VPS13B: variants seen among roughly 807,000 people sequenced by gnomAD.
VPS13B encodes intermembrane lipid transfer protein VPS13B.
Under a neutral mutation model 426.4 loss-of-function variants are expected in VPS13B, and 285 were observed. The observed-to-expected ratio is 0.67, with a 90% confidence interval of 0.61 to 0.74. The LOEUF (loss-of-function observed/expected upper bound fraction) is 0.74, where lower values mean the gene tolerates loss of function less well. VPS13B is among the 30% of genes least tolerant of loss of function. The pLI is 0.00. For synonymous variants in VPS13B, 1,676 were observed against 1,676.4 expected (o/e 1.00, Z 0.01); for missense variants, 4,537 against 4,782.6 (o/e 0.95, Z 1.51).
At chr8:99,585,460 C>G (rs116270285) in intron 33 of VPS13B, among the ~76,000 whole-genome samples, 1 of 152,216 alleles carries the variant, frequency 6.6e-6, no homozygotes, top group African/African-American at 2.4e-5. Context: ...CAAACTGAAT[C>G]CAGCAACATA....
chr8:99,334,556 A>T (rs1810717622), intron 19 of VPS13B, among the ~76,000 whole-genome samples: 2 of 152,138 alleles, frequency 1.3e-5, no homozygotes, highest in South Asian at 4.1e-4. Context: ...GAGAGTTTTT[A>T]GCGTGAAGCG....
At chr8:99,490,918 A>G (rs927659905) in intron 25 of VPS13B, among the ~76,000 whole-genome samples, 1 of 151,506 alleles carries the variant, frequency 6.6e-6, no homozygotes, top group Non-Finnish European at 1.5e-5. Flanking sequence ...CTGCTCTTTG[A>G]TCTTAGTTAT....
intron 2 of VPS13B, among the ~76,000 whole-genome samples, chr8:99,032,511 A>T: frequency 6.8e-6 from 1 of 147,946 alleles, no homozygotes; most frequent in South Asian, 2.1e-4. Flanking sequence ...TTGCTTTTGA[A>T]TTACTTTCTT....
At chr8:99,259,757 G>C (rs548211404) in intron 17 of VPS13B, among the ~76,000 whole-genome samples, 41 of 152,154 alleles carry the variant, frequency 2.7e-4, no homozygotes, top group African/African-American at 9.6e-4. Flanking sequence ...TGAGTGTCTA[G>C]TAGTAAGTAC....
chr8:99,866,639 T>C (rs758107734), intron 58 of VPS13B, among the ~76,000 whole-genome samples: 10 of 152,260 alleles, frequency 6.6e-5, no homozygotes, highest in Non-Finnish European at 1.3e-4. Flanking sequence ...GATACCTGCA[T>C]GTGCTGGAGC....
chr8:99,834,771 G>A (rs972826560), intron 52 of VPS13B, among the ~76,000 whole-genome samples: 10 of 152,152 alleles, frequency 6.6e-5, no homozygotes, highest in African/African-American at 2.4e-4. Context: ...TTTTGCTGAG[G>A]CTGGGCTTGA....
chr8:99,204,580 G>T (rs1341708953), intron 17 of VPS13B, among the ~76,000 whole-genome samples: 3 of 152,110 alleles, frequency 2.0e-5, no homozygotes, highest in Non-Finnish European at 4.4e-5. Context: ...GCAATCTACA[G>T]AATGGGAGAA....
intron 3 of VPS13B, among the ~76,000 whole-genome samples, chr8:99,067,636 G>A (rs1025654129): frequency 6.6e-6 from 1 of 152,148 alleles, no homozygotes; most frequent in Admixed American, 6.5e-5. Flanking sequence ...AGAACTTAAA[G>A]TATAACTTAA....
chr8:99,502,727 C>A (rs886722241), intron 26 of VPS13B, 109 bp from the exon 27 acceptor site: 1 of 843,732 alleles, frequency 1.2e-6, no homozygotes. Context: ...GTGATCTCAG[C>A]GCCTCTGTAC....
intron 35 of VPS13B, among the ~76,000 whole-genome samples, chr8:99,665,828 T>G (rs1830463867): frequency 6.6e-6 from 1 of 152,188 alleles, no homozygotes; most frequent in African/African-American, 2.4e-5. Context: ...ATATGAACTT[T>G]AAAGTAGTTT....
chr8:99,172,808 C>T (rs1432105878), intron 16 of VPS13B, among the ~76,000 whole-genome samples: 1 of 152,094 alleles, frequency 6.6e-6, no homozygotes, highest in Non-Finnish European at 1.5e-5. Flanking sequence ...GACATTATCC[C>T]AGTTACTGAG....
chr8:99,016,506 CT>C (rs201275543), intron 2 of VPS13B, among the ~76,000 whole-genome samples: 1,160 of 93,168 alleles, frequency 0.012, 6 homozygotes, highest in African/African-American at 0.024. Flanking sequence ...ATTTAGCTAT[CT>C]TTTTTTTTTT....
chr8:99,412,470 G>A (rs2133361324), intron 21 of VPS13B, among the ~76,000 whole-genome samples: 1 of 152,282 alleles, frequency 6.6e-6, no homozygotes. Flanking sequence ...GAGGTTTTTG[G>A]CTAAGCTGGT....
Position 99,631,235 on chromosome 8 carries a change from A to G in VPS13B, c.5221-10576A>G, listed in dbSNP as rs114684996. Among the ~76,000 whole-genome samples, 633 of 152,122 alleles carry G rather than the reference A, an allele frequency of 4.2e-3. 5 individuals are homozygous for G. Among genetic ancestry groups the G allele is most frequent in the South Asian group, 0.023 (110 of 4,820 alleles). ...TTCCCAAGAATTTGTGTCTCATTCA[A>G]TTGGTTTTTCTGGGAATCATGGCAT... On this transcript the variant is annotated intron_variant, in intron 33 of 61. Coordinates refer to ENST00000357162, the MANE Select transcript of VPS13B (RefSeq NM_152564.5).
rs377311252 is a variant in VPS13B, at chr8:99,264,733, T to G, written c.2516-9465T>G. ...AGTTTATGTGTGTGTTTTTTTCATT[T>G]GTTAATACTGGATACATAGTAAACA... On this transcript the variant is annotated intron_variant, in intron 17 of 61. Transcript: ENST00000357162. Among the ~76,000 whole-genome samples the G allele has an allele frequency of 1.2e-3, 180 of 152,300 alleles. 3 individuals are homozygous for G. The South Asian group carries it at 0.031, about 26-fold the overall frequency.
At chr8:99,484,643 AAG>A (rs1011632519) in intron 25 of VPS13B, among the ~76,000 whole-genome samples, 5 of 152,148 alleles carry the variant, frequency 3.3e-5, no homozygotes, top group Non-Finnish European at 7.4e-5. Context: ...CTAATTTTGA[AAG>A]AGGTAAATTT....
At position 99,460,727 on chromosome 8, in the gene VPS13B, CTGTTT is replaced by C. The variant is rs542936034; in HGVS notation, c.3446-6680_3446-6676del. Among the ~76,000 whole-genome samples, 443 of 152,112 alleles carry C rather than the reference CTGTTT, an allele frequency of 2.9e-3. 3 individuals are homozygous for C. Among genetic ancestry groups the C allele is most frequent in the Non-Finnish European group, 5.2e-3 (355 of 67,962 alleles). On this transcript the variant is annotated intron_variant, in intron 23 of 61. Transcript: ENST00000357162. ...TGCTGGGTATAAAATTATTGGTTGACTGTTTTGTTTTTTTTTTCTTCCTTGGTAGT... is the reference window on the plus strand; with the variant it reads ...TGCTGGGTATAAAATTATTGGTTGACTGTTTTTTTTTTCTTCCTTGGTAGT...
chr8:99,408,000 ATTC>A (rs1815424471), intron 21 of VPS13B, among the ~76,000 whole-genome samples: 1 of 152,188 alleles, frequency 6.6e-6, no homozygotes, highest in African/African-American at 2.4e-5. Context: ...TCTTGCCAAA[ATTC>A]TTCTCTTCAT....
At chr8:99,193,192 G>A in intron 17 of VPS13B, 135 bp downstream of exon 17, 1 of 917,590 alleles carries the variant, frequency 1.1e-6, no homozygotes, top group Admixed American at 2.6e-5. Context: ...GATATTTATA[G>A]CTTATGTTTA....
Sources: allele counts gnomAD v4.1 joint callset (sites outside exome capture counted in the v4.1 genomes callset), GRCh38; gene constraint gnomAD v4.1.1; transcripts MANE v1.5; gene names NCBI Gene and HGNC (gene_info 2026-07-23, HGNC 2026-07-21).